Variants in SERINC2 observed in about 807,000 individuals in gnomAD.
SERINC2 encodes tumor differentially expressed protein 2.
Under a neutral mutation model 54.2 loss-of-function variants are expected in SERINC2, and 56 were observed. That is an observed-to-expected ratio of 1.03 (90% CI 0.83 to 1.29). SERINC2 has a LOEUF of 1.29. SERINC2 is among the 50% of genes most tolerant of loss of function. The pLI is 0.00. For synonymous variants in SERINC2, 272 were observed against 253.1 expected, an observed-to-expected ratio of 1.07 and a Z score of -0.71; for missense variants, 614 against 607.4, an observed-to-expected ratio of 1.01 and a Z score of -0.12.
chr1:31,429,154 G>C (rs1553134053), intron 7 of SERINC2, 86 bp downstream of exon 7: 1 of 1,244,714 alleles, frequency 8.0e-7, no homozygotes, highest in Non-Finnish European at 1.2e-6. Flanking sequence ...CCTCACAGGT[G>C]ACAGGGACAT....
chr1:31,410,690 G>A (rs1350812425), upstream of SERINC2, among the ~76,000 whole-genome samples: 1 of 152,190 alleles, frequency 6.6e-6, no homozygotes, highest in Non-Finnish European at 1.5e-5. Context: ...ACCTATTTCC[G>A]GGAAGGGGAT....
intron 1 of SERINC2, among the ~76,000 whole-genome samples, chr1:31,419,328 G>T (rs1553132554): frequency 6.6e-6 from 1 of 152,052 alleles, no homozygotes; most frequent in African/African-American, 2.4e-5. Flanking sequence ...ACTCCAATAG[G>T]CTCACAAAAC....
At position 31,413,264 on chromosome 1, in the gene SERINC2, C is replaced by T. The variant is rs1640689914; in HGVS notation, c.-2C>T. On this transcript the variant is annotated 5_prime_UTR_variant, in exon 1 of 10. Coordinates refer to ENST00000373709, the MANE Select transcript of SERINC2 (RefSeq NM_178865.5). The surrounding 1 kb of genome is among the most constrained non-coding windows in gnomAD (Gnocchi z 5.0). ...GGGCGCCCGAAGCCGGGAGCCGCCG[C>T]CATGGGGGCCTGCCTGGGAGCCTGC... 1.6e-6 allele frequency: 2 copies of T among 1,235,756 alleles called. No homozygotes were observed. The highest frequency in any genetic ancestry group is 2.0e-6 in the Non-Finnish European group (2 of 989,620). The allele number at this position is 1,235,756 out of a possible 1,614,324, so 76.5% of individuals were successfully genotyped here.
At chr1:31,410,473 A>C, upstream of SERINC2, 1 of 1,549,280 alleles carries the variant, frequency 6.5e-7, no homozygotes, top group African/African-American at 1.4e-5. Context: ...GTGAGAGCCC[A>C]GCCGGCCTTG....
Position 31,434,336 on chromosome 1 carries a change from T to C in SERINC2, c.*137T>C, listed in dbSNP as rs566881409. The C allele has an allele frequency of 2.7e-3, 2,378 of 878,476 alleles. 21 individuals are homozygous for C. The highest frequency in any genetic ancestry group is 0.015 in the Middle Eastern group (42 of 2,858). The allele number at this position is 878,476 out of a possible 1,614,324, so 54.4% of individuals were successfully genotyped here. A position where few individuals can be genotyped will look rare whatever the true frequency, so the allele number is the denominator to read the frequency against. ...CTGCCCCAGCTCCAGGACCTGCCCC[T>C]GAGCCGGGCCTTCTAGTCGTAGTGC... On this transcript the variant is annotated 3_prime_UTR_variant, in exon 10 of 10. Transcript: ENST00000373709.
intron 8 of SERINC2, among the ~76,000 whole-genome samples, chr1:31,431,831 A>ACAGGG (rs1570065567): frequency 8.1e-6 from 1 of 123,094 alleles, no homozygotes; most frequent in East Asian, 2.4e-4. Flanking sequence ...GATAGGGTGG[A>ACAGGG]TAGGGTGGAT....
chr1:31,433,004 A>G lies in SERINC2; in HGVS notation c.1051A>G (p.Met351Val). The change falls in exon 9 of 10, where the codon ATG becomes GTG. Residue 351 changes from methionine to valine, a missense_variant. Transcript: ENST00000373709. ...AGACCACCGGCAGGTGAACAGCCTG[A>G]TGCAGACCGAGGAGTGCCCACCTAT... ...SSDHRQVNSL[M>V]QTEECPPMLD... The G allele has an allele frequency of 6.2e-7, 1 of 1,612,122 alleles. No homozygotes were observed. The highest frequency in any genetic ancestry group is 1.1e-5 in the South Asian group (1 of 91,034).
chr1:31,413,381 C>A lies in SERINC2; in HGVS notation c.39+77C>A. 1 of 812,700 alleles carries A rather than the reference C, an allele frequency of 1.2e-6. No individual in the cohort carries two copies. The highest frequency in any genetic ancestry group is 1.7e-6 in the Non-Finnish European group (1 of 605,226). 50.3% of individuals were successfully genotyped at this position (812,700 alleles called of 1,614,324 possible). ...GGCCCTCACTTTCTTCTGTTCTGCTCCGAGTAGTTTCTTCTTTTTCCTTCC... is the reference window on the plus strand; with the variant it reads ...GGCCCTCACTTTCTTCTGTTCTGCTACGAGTAGTTTCTTCTTTTTCCTTCC... On this transcript the variant is annotated intron_variant, in intron 1 of 9. Transcript: ENST00000373709. This position sits in a 1 kb window ranked among gnomAD's most constrained non-coding sequence, Gnocchi z 5.0.
At chr1:31,424,627 G>A (rs1362053418) in intron 2 of SERINC2, 56 bp from the exon 3 acceptor site, 7 of 1,412,294 alleles carry the variant, frequency 5.0e-6, no homozygotes, top group African/African-American at 2.9e-5. Flanking sequence ...TATAAAGGGA[G>A]CTGCCAGGGT....
At chr1:31,431,785 G>A (rs1163640975) in intron 8 of SERINC2, among the ~76,000 whole-genome samples, 482 of 140,470 alleles carry the variant, frequency 3.4e-3, no homozygotes, top group African/African-American at 0.013. Flanking sequence ...GAATAGGGTG[G>A]ATAGGGTGGA....
chr1:31,429,360 C>G (rs1553134080), intron 7 of SERINC2, 37 bp from the exon 8 acceptor site: 2 of 1,581,482 alleles, frequency 1.3e-6, no homozygotes, highest in Non-Finnish European at 1.7e-6. Flanking sequence ...TAGGCCTGGC[C>G]TGCATGGGCT....
intron 1 of SERINC2, among the ~76,000 whole-genome samples, chr1:31,422,601 T>C (rs1553132876): frequency 6.6e-6 from 1 of 152,130 alleles, no homozygotes; most frequent in East Asian, 1.9e-4. Context: ...TGAGTCATGA[T>C]TTGTTTAGTG....
At position 31,417,279 on chromosome 1, in the gene SERINC2, C is replaced by G. The variant is rs376073148; in HGVS notation, c.39+3975C>G. 8.5e-5 allele frequency among the ~76,000 whole-genome samples: 13 copies of G among 152,242 alleles called. No individual in the cohort carries two copies. The East Asian group carries it at 1.5e-3, about 18-fold the overall frequency. On this transcript the variant is annotated intron_variant, in intron 1 of 9. Transcript: ENST00000373709. ...TGATCAAAGTGATATTTCTAAAATG[C>G]AAATCTGCTGTCATTCCTCTTCTTT...
At chr1:31,414,556 C>G (rs968980044) in intron 1 of SERINC2, 20 of 987,788 alleles carry the variant, frequency 2.0e-5, no homozygotes, top group South Asian at 9.4e-5. Flanking sequence ...ATAGACAGCA[C>G]AGAGAGGCAA....
In SERINC2 at chr1:31,432,147, CAGGGTGGACAGGGTGGAT is replaced by C. The variant is rs1557501553; in HGVS notation, c.1014-811_1014-794del. 5.5e-3 allele frequency among the ~76,000 whole-genome samples: 26 copies of C among 4,768 alleles called. 2 individuals carry two copies. The East Asian group carries it at 0.057, about 10-fold the overall frequency. 3.1% of individuals were successfully genotyped at this position (4,768 alleles called of 152,430 possible). A position where few individuals can be genotyped will look rare whatever the true frequency, so the allele number is the denominator to read the frequency against. Reference sequence around the variant, plus strand: ...GGGTGGATAGGGTGGACAGGGTGGACAGGGTGGACAGGGTGGATAGGGTGGATAGGGTGGATAGGGTGG... The same window carrying C: ...GGGTGGATAGGGTGGACAGGGTGGACAGGGTGGATAGGGTGGATAGGGTGG... On this transcript the variant is annotated intron_variant, in intron 8 of 9. Transcript: ENST00000373709.
rs1553134521 is a variant in SERINC2, at chr1:31,431,812, G to A, written c.1014-1155G>A. On this transcript the variant is annotated intron_variant, in intron 8 of 9. Coordinates refer to ENST00000373709, the MANE Select transcript of SERINC2 (RefSeq NM_178865.5). ...TAGGGTGGATAGGGTGGACAGGGTG[G>A]ACAGGGTGGATAGGGTGGATAGGGT... Among the ~76,000 whole-genome samples, 39 of 145,226 alleles carry A rather than the reference G, an allele frequency of 2.7e-4. 1 individual carries two copies. In the South Asian group the frequency reaches 3.9e-3, roughly 14 times the overall value.
chr1:31,429,184 G>A, intron 7 of SERINC2, 116 bp downstream of exon 7: 1 of 1,070,988 alleles, frequency 9.3e-7, no homozygotes, highest in Non-Finnish European at 1.4e-6. Context: ...AGCCCATTCT[G>A]AGACTCAGTC....
intron 1 of SERINC2, chr1:31,414,697 G>A (rs782355574): frequency 2.2e-4 from 215 of 985,318 alleles, no homozygotes; most frequent in Admixed American, 4.3e-4. Flanking sequence ...GTTTGGGCCA[G>A]GTCTCTGCCA....
chr1:31,411,389 T>A (rs782342534), upstream of SERINC2, among the ~76,000 whole-genome samples: 6 of 152,152 alleles, frequency 3.9e-5, no homozygotes, highest in Non-Finnish European at 7.4e-5. Flanking sequence ...TGATTTACAT[T>A]TCGCGTGTCA....
Sources: allele counts gnomAD v4.1 joint callset (sites outside exome capture counted in the v4.1 genomes callset), GRCh38; gene constraint gnomAD v4.1.1; non-coding constraint Gnocchi (gnomAD v3.1); transcripts MANE v1.5; gene names NCBI Gene and HGNC (gene_info 2026-07-23, HGNC 2026-07-21).